PRKCQ: variants seen among roughly 807,000 people sequenced by gnomAD.
PRKCQ encodes the protein protein kinase C theta.
A neutral mutation model predicts 91.2 loss-of-function variants in PRKCQ; 41 were observed. The ratio of observed to expected loss-of-function variants is 0.45; its 90% CI spans 0.35 to 0.58. The LOEUF (loss-of-function observed/expected upper bound fraction) is 0.58, where lower values mean the gene tolerates loss of function less well. Among genes scored for constraint, PRKCQ ranks in the 20% least tolerant of loss-of-function variants. The pLI, the probability that PRKCQ is intolerant of heterozygous loss-of-function variation, is 0.00. For missense variants in PRKCQ, 673 were observed against 896.5 expected (o/e 0.75, Z 3.18); for synonymous variants, 307 against 316.9 (o/e 0.97, Z 0.33).
chr10:6,443,420 T>C (rs1483382653), intron 15 of PRKCQ, among the ~76,000 whole-genome samples: 1 of 152,150 alleles, frequency 6.6e-6, no homozygotes, highest in Non-Finnish European at 1.5e-5. Flanking sequence ...TAAGTGTCCA[T>C]CAGTGGATAA....
chr10:6,496,129 T>A (rs1837571239), intron 7 of PRKCQ, among the ~76,000 whole-genome samples: 1 of 144,806 alleles, frequency 6.9e-6, no homozygotes, highest in Non-Finnish European at 1.5e-5. Flanking sequence ...GGCAGGAGAA[T>A]CTCTTGATCC....
At chr10:6,444,384 C>T (rs1322201873) in intron 15 of PRKCQ, among the ~76,000 whole-genome samples, 1 of 151,876 alleles carries the variant, frequency 6.6e-6, no homozygotes. Context: ...GAACTGTACA[C>T]AAAAATAGTT....
intron 1 of PRKCQ, among the ~76,000 whole-genome samples, chr10:6,544,700 A>C (rs956765364): frequency 6.6e-6 from 1 of 150,608 alleles, no homozygotes. Context: ...GGCTCACTGC[A>C]ACCTCCACCT....
chr10:6,467,092 C>A (rs951317992), intron 12 of PRKCQ, among the ~76,000 whole-genome samples: 3 of 152,068 alleles, frequency 2.0e-5, no homozygotes, highest in African/African-American at 7.3e-5. Context: ...TAACTGATGG[C>A]AGCTGTCCTT....
chr10:6,416,621 C>T, the PRKCQ span, among the ~76,000 whole-genome samples: 1 of 152,142 alleles, frequency 6.6e-6, no homozygotes, highest in Non-Finnish European at 1.5e-5. Context: ...GGTTGATGGG[C>T]ACTTAGGTTG....
At chr10:6,469,543 G>T (rs1835852870) in intron 12 of PRKCQ, among the ~76,000 whole-genome samples, 1 of 152,172 alleles carries the variant, frequency 6.6e-6, no homozygotes, top group Non-Finnish European at 1.5e-5. Context: ...TGGGTCTAAG[G>T]TTTAGGACAT....
In PRKCQ at chr10:6,510,091, T is replaced by A. The variant is rs374536260; in HGVS notation, c.318+904A>T. On this transcript the variant is annotated intron_variant, in intron 3 of 17. Coordinates refer to ENST00000263125, the MANE Select transcript of PRKCQ (RefSeq NM_006257.5). The stretch of plus-strand genomic sequence containing the variant: ...GTTTAAAAATCTGAGTTATAGAAAG[T>A]AAGAAGCAGAAAGTCAGGATTCTCT... Among the ~76,000 whole-genome samples, 15 of 152,348 alleles carry A rather than the reference T, an allele frequency of 9.8e-5. No homozygotes were observed. In the East Asian group the frequency reaches 2.3e-3, roughly 23 times the overall value.
intron 1 of PRKCQ, among the ~76,000 whole-genome samples, chr10:6,550,785 G>A (rs993217581): frequency 6.6e-5 from 10 of 152,148 alleles, no homozygotes; most frequent in Admixed American, 2.6e-4. Flanking sequence ...AGGAACCACC[G>A]TACTGATTCC....
intron 3 of PRKCQ, among the ~76,000 whole-genome samples, chr10:6,507,821 C>A (rs193285054): frequency 6.6e-6 from 1 of 152,334 alleles, no homozygotes; most frequent in East Asian, 1.9e-4. Flanking sequence ...AGGGCAGACC[C>A]AGATCTTCAT....
At chr10:6,478,064 C>G (rs1171905223) in intron 12 of PRKCQ, among the ~76,000 whole-genome samples, 1 of 152,164 alleles carries the variant, frequency 6.6e-6, no homozygotes, top group Non-Finnish European at 1.5e-5. Flanking sequence ...TGCATGAAAA[C>G]TAATCTTCGA....
chr10:6,506,933 T>C (rs1020079794), intron 4 of PRKCQ, among the ~76,000 whole-genome samples: 1 of 152,226 alleles, frequency 6.6e-6, no homozygotes, highest in Non-Finnish European at 1.5e-5. Context: ...ATCAAAACCC[T>C]TTAGCAATGT....
intron 14 of PRKCQ, among the ~76,000 whole-genome samples, chr10:6,460,055 T>C (rs891700564): frequency 2.0e-5 from 3 of 152,240 alleles, no homozygotes; most frequent in African/African-American, 7.2e-5. Flanking sequence ...TTATTTCTTA[T>C]TATGCAGCAG....
At chr10:6,458,441 T>A (rs1310244471) in intron 14 of PRKCQ, among the ~76,000 whole-genome samples, 1 of 152,100 alleles carries the variant, frequency 6.6e-6, no homozygotes, top group Non-Finnish European at 1.5e-5. Flanking sequence ...AGGGGAGAAC[T>A]TCAGAGTCCA....
rs77013413 is a variant in PRKCQ, at chr10:6,528,716, C to G, written c.-9-13572G>C. On this transcript the variant is annotated intron_variant, in intron 1 of 17. Transcript: ENST00000263125. Reference sequence around the variant, plus strand: ...GAACCCAGCTTTGGTGGCTAAGTGTCTCCACCCAAACTAATACGTTATTTC... The same window carrying G: ...GAACCCAGCTTTGGTGGCTAAGTGTGTCCACCCAAACTAATACGTTATTTC... Among the ~76,000 whole-genome samples the G allele has an allele frequency of 7.9e-5, 12 of 152,324 alleles. No individual in the cohort carries two copies. In the East Asian group the frequency reaches 1.9e-3, roughly 24 times the overall value.
chr10:6,416,687 T>C, the PRKCQ span, among the ~76,000 whole-genome samples: 1 of 152,234 alleles, frequency 6.6e-6, no homozygotes, highest in African/African-American at 2.4e-5. Flanking sequence ...TGTGCAAATG[T>C]CTTTTTCATA....
chr10:6,511,949 T>G (rs1564365070), intron 2 of PRKCQ, among the ~76,000 whole-genome samples: 1 of 151,694 alleles, frequency 6.6e-6, no homozygotes. Flanking sequence ...CACTCTGGGT[T>G]TAAACACCTG....
chr10:6,504,523 TAACCTTTAATGCCCACACTGTGG>T (rs1838084012), intron 4 of PRKCQ, among the ~76,000 whole-genome samples: 1 of 152,240 alleles, frequency 6.6e-6, no homozygotes, highest in African/African-American at 2.4e-5. Flanking sequence ...CAACTCTTGC[TAACCTTTAATGCCCACACTGTGG>T]AACTTACTGA....
chr10:6,431,299 C>T (rs772841976), intron 16 of PRKCQ, among the ~76,000 whole-genome samples: 32 of 152,218 alleles, frequency 2.1e-4, no homozygotes, highest in Non-Finnish European at 4.0e-4. Flanking sequence ...GACAGCAATA[C>T]ACACACAAAC....
At chr10:6,444,707 T>TAC (rs56151404) in intron 15 of PRKCQ, among the ~76,000 whole-genome samples, 1 of 150,830 alleles carries the variant, frequency 6.6e-6, no homozygotes, top group African/African-American at 2.4e-5. Flanking sequence ...CACACATAAA[T>TAC]ACACACACAC....
Sources: gnomAD v4.1 joint callset for allele counts (sites outside exome capture counted in the v4.1 genomes callset) on GRCh38, gnomAD v4.1.1 for gene constraint, MANE v1.5 for transcripts, NCBI Gene and HGNC (gene_info 2026-07-23, HGNC 2026-07-21) for gene names.